CLIP1: variants seen among roughly 807,000 people sequenced by gnomAD.
CLIP1 encodes the protein CAP-Gly domain-containing linker protein 1.
A neutral mutation model predicts 161.6 loss-of-function variants in CLIP1; 66 were observed. The ratio of observed to expected loss-of-function variants is 0.41; its 90% CI spans 0.33 to 0.50. CLIP1 has a LOEUF of 0.50. Among genes scored for constraint, CLIP1 ranks in the 20% least tolerant of loss-of-function variants. CLIP1 has a pLI of 0.27. For synonymous variants in CLIP1, 598 were observed against 626.2 expected (o/e 0.96, Z 0.67); for missense variants, 1,376 against 1,702.0 (o/e 0.81, Z 3.37).
intron 25 of CLIP1, among the ~76,000 whole-genome samples, chr12:122,273,741 GT>G (rs146142230): frequency 6.6e-6 from 1 of 151,464 alleles, no homozygotes. Flanking sequence ...AATCAGTATG[GT>G]TTTTTTTGAG....
intron 1 of CLIP1, among the ~76,000 whole-genome samples, chr12:122,416,803 G>A (rs560316099): frequency 2.0e-5 from 3 of 152,176 alleles, no homozygotes; most frequent in Non-Finnish European, 2.9e-5. Flanking sequence ...GGGAGGCTGA[G>A]GCAGAAGAAT....
chr12:122,403,107 A>G (rs943787923), intron 1 of CLIP1, among the ~76,000 whole-genome samples: 5 of 152,172 alleles, frequency 3.3e-5, no homozygotes, highest in Non-Finnish European at 5.9e-5. Flanking sequence ...GATATGCAAC[A>G]TCCATCTTCT....
chr12:122,408,946 G>A (rs1956426600), intron 1 of CLIP1, among the ~76,000 whole-genome samples: 1 of 151,920 alleles, frequency 6.6e-6, no homozygotes, highest in Non-Finnish European at 1.5e-5. Flanking sequence ...CAAGTAGCCA[G>A]GATTACAGGT....
chr12:122,357,522 GCCA>G (rs1953486795), intron 5 of CLIP1, among the ~76,000 whole-genome samples: 12 of 135,676 alleles, frequency 8.8e-5, no homozygotes, highest in Admixed American at 2.9e-4. Flanking sequence ...GGGTCAGCCC[GCCA>G]CCCGGCCAGC....
intron 2 of CLIP1, 24 bp from the exon 3 acceptor site, chr12:122,377,984 AT>A (rs1391863839): frequency 1.3e-6 from 2 of 1,551,798 alleles, no homozygotes; most frequent in African/African-American, 2.8e-5. Flanking sequence ...ATCATAAGAG[AT>A]TCGATTTAAT....
intron 1 of CLIP1, among the ~76,000 whole-genome samples, chr12:122,419,704 G>A (rs1475926553): frequency 1.3e-5 from 2 of 151,730 alleles, no homozygotes; most frequent in African/African-American, 4.8e-5. Context: ...GGGAGGCCGA[G>A]GTGAGAGGAT....
At position 122,406,913 on chromosome 12, in the gene CLIP1, A is replaced by G. The variant is rs1956344326; in HGVS notation, c.-107+15608T>C. Reference sequence around the variant, plus strand: ...GCACGCAGAAAATAAAGAGCCTCCCAATGTTCCTCCATCTGCAAAAAAAAA... The same window carrying G: ...GCACGCAGAAAATAAAGAGCCTCCCGATGTTCCTCCATCTGCAAAAAAAAA... On this transcript the variant is annotated intron_variant, in intron 1 of 25. Transcript: ENST00000620786. 4.6e-5 allele frequency among the ~76,000 whole-genome samples: 7 copies of G among 151,866 alleles called. No individual in the cohort carries two copies. In the South Asian group the frequency reaches 1.5e-3, roughly 32 times the overall value.
chr12:122,288,735 G>C (rs1365812415), intron 20 of CLIP1, among the ~76,000 whole-genome samples, 194 bp from the exon 21 acceptor site: 1 of 150,218 alleles, frequency 6.7e-6, no homozygotes, highest in African/African-American at 2.5e-5. Flanking sequence ...TACGACCTCA[G>C]TAACTCCCCC....
chr12:122,417,518 T>G (rs1268708561), intron 1 of CLIP1, among the ~76,000 whole-genome samples: 3 of 149,166 alleles, frequency 2.0e-5, no homozygotes, highest in African/African-American at 7.3e-5. Flanking sequence ...GCCTTTTTTT[T>G]TTTTTTTTTT....
chr12:122,277,528 CT>C (rs1472647217), intron 24 of CLIP1: 1 of 151,978 alleles, frequency 6.6e-6, no homozygotes, highest in African/African-American at 2.4e-5. Context: ...TTAATTTTCG[CT>C]TTAAGAGACT....
intron 1 of CLIP1, among the ~76,000 whole-genome samples, chr12:122,413,089 T>C (rs1956601166): frequency 6.6e-6 from 1 of 152,128 alleles, no homozygotes. Flanking sequence ...TTATTTACGG[T>C]CTAGAAAGGA....
chr12:122,299,639 G>A lies in CLIP1; in HGVS notation c.3594+10123C>T, dbSNP rs891565330. On this transcript the variant is annotated intron_variant, in intron 20 of 25. Transcript: ENST00000620786. ...AAAAAAAAAAAAAAAAAAAGATGCCGGGCGCGGTGGCTCATGCCTGCAATC... is the reference window on the plus strand; with the variant it reads ...AAAAAAAAAAAAAAAAAAAGATGCCAGGCGCGGTGGCTCATGCCTGCAATC... 7.5e-5 allele frequency among the ~76,000 whole-genome samples: 5 copies of A among 66,694 alleles called. No homozygotes were observed. In the East Asian group the frequency reaches 2.9e-3, roughly 38 times the overall value. The allele number at this position is 66,694 out of a possible 152,430, so 43.8% of individuals were successfully genotyped here. A position where few individuals can be genotyped will look rare whatever the true frequency, so the allele number is the denominator to read the frequency against.
intron 1 of CLIP1, chr12:122,400,671 G>A (rs1171658214): frequency 6.6e-6 from 1 of 152,128 alleles, no homozygotes; most frequent in Non-Finnish European, 1.5e-5. Flanking sequence ...TGTCTTGTTT[G>A]CATATCATGC....
intron 15 of CLIP1, among the ~76,000 whole-genome samples, chr12:122,330,883 G>A (rs927696242): frequency 4.0e-5 from 6 of 151,592 alleles, no homozygotes; most frequent in South Asian, 4.2e-4. Context: ...TGACAGGCCT[G>A]AGCCACCACG....
chr12:122,364,845 A>T (rs1818050), intron 3 of CLIP1: 2 of 832,220 alleles, frequency 2.4e-6, no homozygotes, highest in African/African-American at 3.4e-5. Flanking sequence ...TTTTAGAAAA[A>T]ATGGAGTTGC....
At chr12:122,406,984 T>A (rs978766415) in intron 1 of CLIP1, among the ~76,000 whole-genome samples, 3 of 152,152 alleles carry the variant, frequency 2.0e-5, no homozygotes, top group Non-Finnish European at 4.4e-5. Flanking sequence ...ATTTGAGTTA[T>A]TTTGTTCATT....
intron 1 of CLIP1, among the ~76,000 whole-genome samples, chr12:122,412,060 C>CTTTTTTTTTT (rs71082989): frequency 2.5e-5 from 2 of 81,596 alleles, no homozygotes; most frequent in African/African-American, 4.7e-5. Flanking sequence ...CAGTTATTTT[C>CTTTTTTTTTT]TTTTTTTTTT....
At chr12:122,276,486 C>A (rs1343850853) in intron 24 of CLIP1, 3 of 1,288,600 alleles carry the variant, frequency 2.3e-6, no homozygotes, top group Admixed American at 4.6e-5. Context: ...ATGAAACAAA[C>A]CGAAGCAGAA....
At chr12:122,325,664 TTTA>T (rs1951687595) in intron 17 of CLIP1, among the ~76,000 whole-genome samples, 3 of 100,958 alleles carry the variant, frequency 3.0e-5, no homozygotes, top group African/African-American at 5.6e-5. Context: ...TTTATTTTTA[TTTA>T]TTTTTTGAGA....
Sources: gnomAD v4.1 joint callset for allele counts (sites outside exome capture counted in the v4.1 genomes callset) on GRCh38, gnomAD v4.1.1 for gene constraint, MANE v1.5 for transcripts, NCBI Gene and HGNC (gene_info 2026-07-23, HGNC 2026-07-21) for gene names.